Variants in TMEM181 observed in about 807,000 individuals in gnomAD.
TMEM181 encodes G protein-coupled receptor 178.
In TMEM181, 39 loss-of-function variants were observed where a neutral mutation model predicts 71.9. The ratio of observed to expected loss-of-function variants is 0.54; its 90% confidence interval spans 0.42 to 0.71. The LOEUF (loss-of-function observed/expected upper bound fraction) is 0.71. TMEM181 is among the 30% of genes least tolerant of loss of function. TMEM181 has a pLI of 0.00. For synonymous variants in TMEM181, 245 were observed against 228.8 expected, an observed-to-expected ratio of 1.07 and a Z score of -0.64; for missense variants, 595 against 583.0, an observed-to-expected ratio of 1.02 and a Z score of -0.21.
At chr6:158,628,986 T>TGGCAG (rs1786506752) in intron 14 of TMEM181, among the ~76,000 whole-genome samples, 1 of 152,166 alleles carries the variant, frequency 6.6e-6, no homozygotes, top group Non-Finnish European at 1.5e-5. Context: ...ATGACAGTTG[T>TGGCAG]GGCAGGTTGA....
At chr6:158,585,494 T>G (rs755259470) in intron 5 of TMEM181, 69 bp downstream of exon 5, 4 of 1,363,130 alleles carry the variant, frequency 2.9e-6, no homozygotes, top group Non-Finnish European at 3.8e-6. Context: ...AGAGCCACTT[T>G]CCAGTCTAAA....
At chr6:158,565,471 C>G (rs1247501241) in intron 1 of TMEM181, among the ~76,000 whole-genome samples, 2 of 152,228 alleles carry the variant, frequency 1.3e-5, no homozygotes, top group Admixed American at 1.3e-4. Flanking sequence ...CCAGGAACTG[C>G]TGTGCCCCAG....
At chr6:158,541,729 C>A (rs915952200) in intron 1 of TMEM181, among the ~76,000 whole-genome samples, 1 of 152,112 alleles carries the variant, frequency 6.6e-6, no homozygotes, top group Non-Finnish European at 1.5e-5. Context: ...TATTTCCTGA[C>A]GCATCTGTAC....
At chr6:158,616,941 A>G (rs572636563) in intron 10 of TMEM181, among the ~76,000 whole-genome samples, 28 of 152,218 alleles carry the variant, frequency 1.8e-4, no homozygotes, top group African/African-American at 6.7e-4. Context: ...TTGGTCTAAA[A>G]TTCTCTTTTG....
chr6:158,589,917 T>TTTA (rs1317207012), intron 6 of TMEM181, 135 bp downstream of exon 6: 16 of 661,150 alleles, frequency 2.4e-5, no homozygotes, highest in African/African-American at 2.4e-4. Flanking sequence ...TTTTTAAAAA[T>TTTA]TATAGGAAAA....
rs1421325353 is a variant in TMEM181 at position 158,543,451 on chromosome 6, A to G, written c.131+6586A>G. Among the ~76,000 whole-genome samples, 3 of 152,200 alleles carry G rather than the reference A, an allele frequency of 2.0e-5. No homozygotes were observed. In the East Asian group the frequency reaches 5.8e-4, roughly 29 times the overall value. On this transcript the variant is annotated intron_variant, in intron 1 of 16. Coordinates refer to the TMEM181 transcript ENST00000367090. ...AGCCGCCTTCTAGGGCTGCGGTAAG[A>G]AAACACCACAGCCTGCAGGGCTCAA...
chr6:158,584,087 G>A (rs1228165710), intron 4 of TMEM181, 43 bp downstream of exon 4: 1 of 1,510,306 alleles, frequency 6.6e-7, no homozygotes, highest in African/African-American at 1.4e-5. Context: ...ATTATACGAA[G>A]AAACATCGTA....
upstream of TMEM181, among the ~76,000 whole-genome samples, chr6:158,556,358 T>C (rs1781888380): frequency 6.6e-6 from 1 of 152,220 alleles, no homozygotes; most frequent in Non-Finnish European, 1.5e-5. Context: ...CCCGATTCCA[T>C]TTCTGACACA....
intron 1 of TMEM181, among the ~76,000 whole-genome samples, chr6:158,571,698 T>A (rs1184606811): frequency 6.6e-6 from 1 of 152,264 alleles, no homozygotes. Context: ...CACTTCTTCC[T>A]GGGCCAGCCT....
chr6:158,583,269 A>C (rs1783579167), intron 3 of TMEM181, among the ~76,000 whole-genome samples: 1 of 152,210 alleles, frequency 6.6e-6, no homozygotes, highest in South Asian at 2.1e-4. Context: ...TTATCTTGTA[A>C]ATATGAAAGC....
Position 158,544,182 on chromosome 6 carries a change from A to AGAGAGAGTGTGTGTGTGT in TMEM181, c.131+7318_131+7319insAGAGAGTGTGTGTGTGTG, listed in dbSNP as rs149735409. Reference sequence around the variant, plus strand: ...GGTTTCTCAGGTGCAAATTGGAGAGAGTGTGTGTGTGTGTGTGTGTGTGTG... The same window carrying AGAGAGAGTGTGTGTGTGT: ...GGTTTCTCAGGTGCAAATTGGAGAGAGAGAGAGTGTGTGTGTGTGTGTGTGTGTGTGTGTGTGTGTGTG... On this transcript the variant is annotated intron_variant, in intron 1 of 16. Transcript: ENST00000367090. 9.9e-3 allele frequency among the ~76,000 whole-genome samples: 1,264 copies of AGAGAGAGTGTGTGTGTGT among 127,614 alleles called. 21 individuals are homozygous for AGAGAGAGTGTGTGTGTGT. Among genetic ancestry groups the AGAGAGAGTGTGTGTGTGT allele is most frequent in the African/African-American group, 0.035 (1,166 of 32,914 alleles). The allele number at this position is 127,614 out of a possible 152,430, so 83.7% of individuals were successfully genotyped here. A position where few individuals can be genotyped will look rare whatever the true frequency, so the allele number is the denominator to read the frequency against.
At chr6:158,611,197 CA>C in intron 10 of TMEM181, 1 of 519,242 alleles carries the variant, frequency 1.9e-6, no homozygotes, top group Non-Finnish European at 3.9e-6. Context: ...TGTCCTTCTC[CA>C]CTGACCTCTG....
chr6:158,628,274 G>A, intron 13 of TMEM181, 134 bp from the exon 14 acceptor site: 1 of 779,446 alleles, frequency 1.3e-6, no homozygotes, highest in East Asian at 2.6e-5. Flanking sequence ...ATCTGTGCAT[G>A]TGTGTGGAAG....
At chr6:158,596,679 G>A (rs1213030081) in intron 6 of TMEM181, among the ~76,000 whole-genome samples, 2 of 152,172 alleles carry the variant, frequency 1.3e-5, no homozygotes, top group African/African-American at 2.4e-5. Context: ...GGAAGAAAAA[G>A]GGGTTTAATT....
At chr6:158,570,137 G>T (rs767510192) in intron 1 of TMEM181, among the ~76,000 whole-genome samples, 9 of 151,966 alleles carry the variant, frequency 5.9e-5, no homozygotes, top group African/African-American at 2.2e-4. Flanking sequence ...CTCCGAGAAC[G>T]TTGTAGTGGA....
chr6:158,605,730 GT>G (rs2128315290), intron 7 of TMEM181, among the ~76,000 whole-genome samples: 1 of 152,216 alleles, frequency 6.6e-6, no homozygotes, highest in Non-Finnish European at 1.5e-5. Flanking sequence ...AGTCCTTTGC[GT>G]TTTTGGGCAT....
intron 5 of TMEM181, among the ~76,000 whole-genome samples, chr6:158,587,675 C>G (rs1439263947): frequency 1.3e-5 from 2 of 150,188 alleles, no homozygotes; most frequent in Non-Finnish European, 3.0e-5. Context: ...CATTGTCTGA[C>G]TTAGGTAGCA....
At chr6:158,573,547 G>GCGCGGTGGC in intron 2 of TMEM181, 24 bp downstream of exon 2, 1 of 1,570,846 alleles carries the variant, frequency 6.4e-7, no homozygotes, top group Admixed American at 1.9e-5. Flanking sequence ...TTTACTCATT[G>GCGCGGTGGC]AATCTTTTGC....
intron 15 of TMEM181, among the ~76,000 whole-genome samples, chr6:158,630,676 C>A (rs544069143): frequency 6.7e-6 from 1 of 149,972 alleles, no homozygotes; most frequent in African/African-American, 2.5e-5. Context: ...ATAACCCCAT[C>A]GTAAGTCAAG....
Sources: gnomAD v4.1 joint callset for allele counts (sites outside exome capture counted in the v4.1 genomes callset) on GRCh38, gnomAD v4.1.1 for gene constraint, MANE v1.5 for transcripts, NCBI Gene and HGNC (gene_info 2026-07-23, HGNC 2026-07-21) for gene names.